PGBD5: variants seen among roughly 807,000 people sequenced by gnomAD.
PGBD5 encodes piggyBac transposable element-derived protein 5.
In PGBD5, 14 loss-of-function variants were observed where a neutral mutation model predicts 47.9. That is an observed-to-expected ratio of 0.29 (90% CI 0.19 to 0.46). PGBD5 has a LOEUF of 0.46. Ranked by LOEUF, PGBD5 falls within the 20% of genes least tolerant of loss-of-function variation. The pLI is 1.00. For synonymous variants in PGBD5, 316 were observed against 306.3 expected, an observed-to-expected ratio of 1.03 and a Z score of -0.33; for missense variants, 635 against 716.0, an observed-to-expected ratio of 0.89 and a Z score of 1.29.
chr1:230,405,742 G>T (rs929353729), intron 1 of PGBD5, among the ~76,000 whole-genome samples: 8 of 152,202 alleles, frequency 5.3e-5, no homozygotes, highest in Non-Finnish European at 2.9e-5. Context: ...AGAGGAGAAA[G>T]AACTGATGAC....
chr1:230,357,298 TG>T lies in PGBD5; in HGVS notation c.354del (p.Ser119AlafsTer44). The T allele has an allele frequency of 6.2e-7, 1 of 1,613,536 alleles. No individual in the cohort carries two copies. The highest frequency in any genetic ancestry group is 8.5e-7 in the Non-Finnish European group (1 of 1,179,612). On this transcript the variant is annotated frameshift_variant, in exon 2 of 7. Coordinates refer to ENST00000391860, the MANE Select transcript of PGBD5 (RefSeq NM_001258311.2). LOFTEE classifies it high-confidence loss of function. The surrounding 1 kb of genome is among the most constrained non-coding windows in gnomAD (Gnocchi z 5.7). ...DTGGPTRKMP[P>X]SASAVDFFQL... Reference sequence around the variant, plus strand: ...TGGAAGAAGTCCACGGCACTGGCGCTGGGGGGCATCTTTCGGGTGGGACCTG... The same window carrying T: ...TGGAAGAAGTCCACGGCACTGGCGCTGGGGGCATCTTTCGGGTGGGACCTG...
chr1:230,332,987 G>C lies in PGBD5; in HGVS notation c.1130C>G (p.Pro377Arg). The C allele has an allele frequency of 6.2e-7, 1 of 1,613,484 alleles. No homozygotes were observed. Among genetic ancestry groups the C allele is most frequent in the Non-Finnish European group, 8.5e-7 (1 of 1,179,690 alleles). ...RARKSDCTGL[P>R]LSMLTNPATP... ...GGCTGGGTTGGTCAGCATGGACAGT[G>C]GGAGGCCGGTGCAGTCACTCTTCCG... The change falls in exon 5 of 7, where the codon CCA (proline) becomes CGA (arginine). Residue 377 changes from proline (P) to arginine (R), a missense_variant. Coordinates refer to ENST00000391860, the MANE Select transcript of PGBD5 (RefSeq NM_001258311.2).
chr1:230,323,742 G>C lies in PGBD5; in HGVS notation c.1380-122C>G. 2.2e-6 allele frequency: 2 copies of C among 917,512 alleles called. No homozygotes were observed. The highest frequency in any genetic ancestry group is 3.3e-6 in the Non-Finnish European group (2 of 608,714). The allele number at this position is 917,512 out of a possible 1,614,324, so 56.8% of individuals were successfully genotyped here. ...GCAGGTTCGCCCCCGACAGAAGCAG[G>C]AGGGCTATGGGGGCAGGAGTCAGGC... On this transcript the variant is annotated intron_variant, in intron 6 of 6. Coordinates refer to ENST00000391860, the MANE Select transcript of PGBD5 (RefSeq NM_001258311.2). This position sits in a 1 kb window ranked among gnomAD's most constrained non-coding sequence, Gnocchi z 4.1.
chr1:230,322,926 A>G lies in PGBD5; in HGVS notation c.*499T>C, dbSNP rs1344607923. ...AAGAGACCGGTTCAAAGGTGCTGGC[A>G]TGAGGCAAATGCTGGAAAACCCTCC... is the stretch of plus-strand genomic sequence containing the variant. On this transcript the variant is annotated 3_prime_UTR_variant, in exon 7 of 7. Transcript: ENST00000391860. The surrounding 1 kb of genome is among the most constrained non-coding windows in gnomAD (Gnocchi z 5.9). The G allele has an allele frequency of 6.3e-6, 1 of 159,580 alleles. No homozygotes were observed. The highest frequency in any genetic ancestry group is 1.4e-5 in the Non-Finnish European group (1 of 71,968). The allele number at this position is 159,580 out of a possible 1,614,324, so 9.9% of individuals were successfully genotyped here.
intron 1 of PGBD5, among the ~76,000 whole-genome samples, chr1:230,378,616 GC>G (rs1381848757): frequency 1.3e-5 from 2 of 152,108 alleles, no homozygotes; most frequent in African/African-American, 4.8e-5. Context: ...TTGAACCACC[GC>G]CTACTTCTTG....
chr1:230,382,519 TG>T (rs1269357296), intron 1 of PGBD5, among the ~76,000 whole-genome samples: 1 of 152,198 alleles, frequency 6.6e-6, no homozygotes, highest in African/African-American at 2.4e-5. Flanking sequence ...CTCAGGGAAC[TG>T]GCTCACTGAT....
Position 230,425,513 on chromosome 1 carries a change from TG to T in PGBD5, c.331+84del. The T allele has an allele frequency of 9.6e-7, 1 of 1,040,496 alleles. No homozygotes were observed. Among genetic ancestry groups the T allele is most frequent in the Non-Finnish European group, 1.2e-6 (1 of 820,980 alleles). 64.5% of individuals were successfully genotyped at this position (1,040,496 alleles called of 1,614,324 possible). On this transcript the variant is annotated intron_variant, in intron 1 of 6. Coordinates refer to ENST00000391860, the MANE Select transcript of PGBD5 (RefSeq NM_001258311.2). This position sits in a 1 kb window ranked among gnomAD's most constrained non-coding sequence, Gnocchi z 4.7. ...CCCACAAGCCAGCCCACGGAGAGTCTGGACTCGCCCGCCCCAGCACCCACGC... is the reference window on the plus strand; with the variant it reads ...CCCACAAGCCAGCCCACGGAGAGTCTGACTCGCCCGCCCCAGCACCCACGC...
intron 1 of PGBD5, among the ~76,000 whole-genome samples, chr1:230,360,695 A>C (rs1235138164): frequency 6.6e-6 from 1 of 152,136 alleles, no homozygotes; most frequent in Non-Finnish European, 1.5e-5. Flanking sequence ...AAACCATGCG[A>C]ACTGTGAGTT....
At position 230,337,090 on chromosome 1, in the gene PGBD5, G is replaced by C; in HGVS notation, c.1075+18C>G. The C allele has an allele frequency of 6.2e-7, 1 of 1,610,116 alleles. No homozygotes were observed. The highest frequency in any genetic ancestry group is 8.5e-7 in the Non-Finnish European group (1 of 1,177,164). On this transcript the variant is annotated intron_variant, in intron 4 of 6. Transcript: ENST00000391860. ...GGGAGGCTGGGCCGTATCCTCACTG[G>C]CTCCCCACTTGACTAACCTTGCTTC...
At chr1:230,410,723 AT>A (rs1657391034) in intron 1 of PGBD5, among the ~76,000 whole-genome samples, 1 of 152,202 alleles carries the variant, frequency 6.6e-6, no homozygotes, top group African/African-American at 2.4e-5. Context: ...TAATGAAGGT[AT>A]TTTACAAATA....
chr1:230,402,602 T>G (rs1385003779), intron 1 of PGBD5, among the ~76,000 whole-genome samples: 2 of 152,100 alleles, frequency 1.3e-5, no homozygotes, highest in Admixed American at 1.3e-4. Flanking sequence ...TACAGGTACA[T>G]ACCACCACTC....
In PGBD5 at chr1:230,425,898, T is replaced by C; in HGVS notation, c.31A>G (p.Arg11Gly). 8.6e-7 allele frequency: 1 copy of C among 1,162,456 alleles called. No individual in the cohort carries two copies. The highest frequency in any genetic ancestry group is 1.1e-6 in the Non-Finnish European group (1 of 946,602). The allele number at this position is 1,162,456 out of a possible 1,614,324, so 72.0% of individuals were successfully genotyped here. Residue 11 changes from arginine (R) to glycine (G), a missense_variant, in exon 1 of 7, where the codon AGG (arginine) becomes GGG (glycine). Arg to Gly is a moderately radical substitution (Grantham distance 125). Transcript: ENST00000391860. The surrounding 1 kb of genome is among the most constrained non-coding windows in gnomAD (Gnocchi z 4.7). Reference sequence around the variant, plus strand: ...GCAGCCTCGAGCAGCGCCGGCGCCCTCCTCCGCGCGCCCCCGCCGCCCTCG... The same window carrying C: ...GCAGCCTCGAGCAGCGCCGGCGCCCCCCTCCGCGCGCCCCCGCCGCCCTCG... Reference protein sequence around the residue: MAEGGGGARRRAPALLEAARA... With the variant: MAEGGGGARRGAPALLEAARA...
At chr1:230,397,897 G>A (rs1461910728) in intron 1 of PGBD5, among the ~76,000 whole-genome samples, 7 of 152,298 alleles carry the variant, frequency 4.6e-5, no homozygotes, top group East Asian at 1.9e-4. Flanking sequence ...TGGGGGTAGC[G>A]TCCCCTACAT....
intron 5 of PGBD5, among the ~76,000 whole-genome samples, chr1:230,327,220 T>C (rs1667134542): frequency 6.6e-6 from 1 of 152,148 alleles, no homozygotes; most frequent in Non-Finnish European, 1.5e-5. Context: ...TTCTGTATTT[T>C]TTTTTTTAAG....
chr1:230,425,769 A>G lies in PGBD5; in HGVS notation c.160T>C (p.Ser54Pro). The G allele has an allele frequency of 8.3e-7, 1 of 1,205,892 alleles. No homozygotes were observed. The highest frequency in any genetic ancestry group is 1.0e-6 in the Non-Finnish European group (1 of 970,172). 74.7% of individuals were successfully genotyped at this position (1,205,892 alleles called of 1,614,324 possible). Reference sequence around the variant, plus strand: ...TCGTCCGAGGAGGCGGCCGAGGAGGAGCGCGAGGCGGCCGAGGTGCTGTAG... The same window carrying G: ...TCGTCCGAGGAGGCGGCCGAGGAGGGGCGCGAGGCGGCCGAGGTGCTGTAG... ...PFYSTSAASR[S>P]SSAASSDDER... Residue 54 changes from serine to proline, a missense_variant, in exon 1 of 7, where the codon TCC (serine) becomes CCC (proline). Transcript: ENST00000391860. This position sits in a 1 kb window ranked among gnomAD's most constrained non-coding sequence, Gnocchi z 4.7.
At chr1:230,407,212 T>C (rs527442217) in intron 1 of PGBD5, among the ~76,000 whole-genome samples, 40 of 152,266 alleles carry the variant, frequency 2.6e-4, no homozygotes, top group African/African-American at 9.1e-4. Context: ...AAAATGTCTG[T>C]TTTCAATAAT....
At chr1:230,326,987 C>G (rs758968100) in intron 5 of PGBD5, among the ~76,000 whole-genome samples, 1 of 152,204 alleles carries the variant, frequency 6.6e-6, no homozygotes, top group African/African-American at 2.4e-5. Context: ...GAGAAGCACA[C>G]GGAGACCCAT....
At chr1:230,337,007 T>G in intron 4 of PGBD5, 101 bp downstream of exon 4, 2 of 1,313,350 alleles carry the variant, frequency 1.5e-6, no homozygotes, top group Non-Finnish European at 2.1e-6. Context: ...ATCCTGTGGT[T>G]TGTGGTGGCC....
intron 1 of PGBD5, among the ~76,000 whole-genome samples, chr1:230,410,099 A>C (rs1657381929): frequency 6.6e-6 from 1 of 152,224 alleles, no homozygotes; most frequent in African/African-American, 2.4e-5. Context: ...TACCAGGCAA[A>C]TGCAAAGAAG....
Sources: allele counts gnomAD v4.1 joint callset (sites outside exome capture counted in the v4.1 genomes callset), GRCh38; gene constraint gnomAD v4.1.1; non-coding constraint Gnocchi (gnomAD v3.1); transcripts MANE v1.5; gene names NCBI Gene and HGNC (gene_info 2026-07-23, HGNC 2026-07-21).